Variants in IL1R2 observed in about 807,000 individuals in gnomAD.
IL1R2 encodes interleukin 1 receptor type 2, also known as interleukin-1 receptor type 2.
Under a neutral mutation model 39.5 loss-of-function variants are expected in IL1R2, and 46 were observed. The ratio of observed to expected loss-of-function variants is 1.16; its 90% CI spans 0.92 to 1.49. The LOEUF (loss-of-function observed/expected upper bound fraction) is 1.49. Ranked by LOEUF, IL1R2 falls within the 40% of genes most tolerant of loss-of-function variation. IL1R2 has a pLI of 0.00. For synonymous variants in IL1R2, 207 were observed against 189.6 expected (o/e 1.09, Z -0.75); for missense variants, 537 against 502.0 (o/e 1.07, Z -0.67).
At chr2:102,001,286 G>T (rs913843282) in intron 1 of IL1R2, among the ~76,000 whole-genome samples, 10 of 152,346 alleles carry the variant, frequency 6.6e-5, no homozygotes, top group South Asian at 4.1e-4. Flanking sequence ...TTTGCTGGCA[G>T]ACAGTATAAA....
At chr2:102,012,909 AC>A (rs1676729104) in intron 3 of IL1R2, among the ~76,000 whole-genome samples, 4 of 152,162 alleles carry the variant, frequency 2.6e-5, no homozygotes, top group Admixed American at 2.6e-4. Context: ...ATCTGGTGGG[AC>A]CTTGGGCTTA....
Position 102,007,074 on chromosome 2 carries a change from G to A in IL1R2, c.-61-1441G>A, listed in dbSNP as rs541882116. On this transcript the variant is annotated intron_variant, in intron 1 of 8. Coordinates refer to ENST00000332549, the MANE Select transcript of IL1R2 (RefSeq NM_004633.4). ...ACTTCCATCTTGCCCACAGACTTGT[G>A]AGCAAGAGTGAACGACCGTTGTTTC... 4.3e-4 allele frequency among the ~76,000 whole-genome samples: 65 copies of A among 152,304 alleles called. No individual in the cohort carries two copies. The South Asian group carries it at 0.012, about 29-fold the overall frequency.
chr2:101,993,594 C>G (rs531693271), intron 1 of IL1R2, among the ~76,000 whole-genome samples: 11 of 152,242 alleles, frequency 7.2e-5, no homozygotes, highest in African/African-American at 2.4e-4. Flanking sequence ...CTCTCTCTCT[C>G]TGTCTCTGTT....
chr2:102,024,239 G>A (rs961679443), intron 6 of IL1R2, among the ~76,000 whole-genome samples: 10 of 152,194 alleles, frequency 6.6e-5, no homozygotes, highest in African/African-American at 2.2e-4. Context: ...AGAGGAAGTC[G>A]GCTTGAATTT....
chr2:102,024,897 T>C (rs938464751), intron 7 of IL1R2: 3 of 491,234 alleles, frequency 6.1e-6, no homozygotes, highest in Non-Finnish European at 1.1e-5. Flanking sequence ...GGTATTGATG[T>C]TGCATTTTGT....
At chr2:102,010,850 T>A (rs913211705) in intron 3 of IL1R2, among the ~76,000 whole-genome samples, 36 of 152,274 alleles carry the variant, frequency 2.4e-4, no homozygotes, top group African/African-American at 6.5e-4. Flanking sequence ...GAGTTTTTCA[T>A]CCTCACAAAC....
intron 1 of IL1R2, 23 bp downstream of exon 1, chr2:101,992,034 G>A (rs1348647851): frequency 6.6e-6 from 1 of 151,898 alleles, no homozygotes; most frequent in Non-Finnish European, 1.5e-5. Flanking sequence ...AGAGCTGCAG[G>A]TAAGAGGCTT....
chr2:102,020,650 G>A (rs910758286), intron 5 of IL1R2, among the ~76,000 whole-genome samples: 4 of 152,210 alleles, frequency 2.6e-5, no homozygotes, highest in African/African-American at 9.7e-5. Context: ...ACGGACTGAG[G>A]TGTCCTGATT....
rs1321965368 is a variant in IL1R2, at chr2:102,022,022, C to T, written c.689-165C>T. 5 of 631,378 alleles carry T rather than the reference C, an allele frequency of 7.9e-6. No homozygotes were observed. The East Asian group carries it at 8.1e-5, about 10-fold the overall frequency. The allele number at this position is 631,378 out of a possible 1,614,324, so 39.1% of individuals were successfully genotyped here. On this transcript the variant is annotated intron_variant, in intron 5 of 8. Coordinates refer to ENST00000332549, the MANE Select transcript of IL1R2 (RefSeq NM_004633.4). ...GGGAAAGTCATTGGCCAAGGATGCT[C>T]GATTTTGTAGAGAGCCTGTTTCCTT...
intron 3 of IL1R2, 155 bp downstream of exon 3, chr2:102,009,981 C>G (rs1027956259): frequency 5.0e-6 from 4 of 804,244 alleles, no homozygotes; most frequent in East Asian, 5.2e-5. Flanking sequence ...ACACCCCCCC[C>G]AACCCTACAG....
At chr2:102,015,745 C>A in intron 3 of IL1R2, 126 bp from the exon 4 acceptor site, 2 of 729,842 alleles carry the variant, frequency 2.7e-6, no homozygotes, top group Non-Finnish European at 4.5e-6. Context: ...TGTCGGGAAA[C>A]CATCTGTACT....
rs1378361465 is a variant in IL1R2 at position 102,002,663 on chromosome 2, T to C, written c.-61-5852T>C. Reference sequence around the variant, plus strand: ...GTTGGTGTCTGTGTCTATGTCTATGTCTAAGTCTAGGTCTAGGTCTGTGTC... The same window carrying C: ...GTTGGTGTCTGTGTCTATGTCTATGCCTAAGTCTAGGTCTAGGTCTGTGTC... On this transcript the variant is annotated intron_variant, in intron 1 of 8. Transcript: ENST00000332549. Among the ~76,000 whole-genome samples, 11 of 152,182 alleles carry C rather than the reference T, an allele frequency of 7.2e-5. No individual in the cohort carries two copies. The East Asian group carries it at 2.1e-3, about 29-fold the overall frequency.
intron 3 of IL1R2, among the ~76,000 whole-genome samples, chr2:102,013,257 C>A (rs565957428): frequency 9.9e-5 from 15 of 152,082 alleles, no homozygotes; most frequent in African/African-American, 3.4e-4. Flanking sequence ...ACCTGGCTGA[C>A]CTTTAATACT....
At chr2:102,025,303 T>G (rs2150463469) in intron 7 of IL1R2, among the ~76,000 whole-genome samples, 1 of 152,356 alleles carries the variant, frequency 6.6e-6, no homozygotes. Flanking sequence ...TAGCCTGAGC[T>G]TTTGCTTGCC....
At position 102,017,778 on chromosome 2, in the gene IL1R2, G is replaced by A. The variant is rs148008957; in HGVS notation, c.513+1727G>A. 8.5e-3 allele frequency among the ~76,000 whole-genome samples: 1,289 copies of A among 152,232 alleles called. 20 individuals carry two copies. The highest frequency in any genetic ancestry group is 0.03 in the African/African-American group (1,233 of 41,532). On this transcript the variant is annotated intron_variant, in intron 4 of 8. Coordinates refer to ENST00000332549, the MANE Select transcript of IL1R2 (RefSeq NM_004633.4). ...TCTTGTTGTAGTACTGTCTGTAGCC[G>A]CTTTCACATGGCCTAGTTGTGATGG...
intron 6 of IL1R2, among the ~76,000 whole-genome samples, chr2:102,023,026 GT>G (rs1677498592): frequency 6.6e-6 from 1 of 152,338 alleles, no homozygotes; most frequent in South Asian, 2.1e-4. Flanking sequence ...CATGCTCAGA[GT>G]CAGGCTGGAG....
At chr2:102,019,562 A>G in intron 4 of IL1R2, 76 bp from the exon 5 acceptor site, 3 of 1,031,544 alleles carry the variant, frequency 2.9e-6, no homozygotes, top group Middle Eastern at 2.4e-4. Context: ...ACATTGGTTG[A>G]TAATGATGAT....
chr2:102,003,232 G>A (rs1426752407), intron 1 of IL1R2, among the ~76,000 whole-genome samples: 2 of 151,068 alleles, frequency 1.3e-5, no homozygotes, highest in African/African-American at 2.4e-5. Context: ...GTGTCTGGCT[G>A]TGGCTGTGTC....
Position 102,009,731 on chromosome 2 carries a change from A to T in IL1R2, c.237A>T (p.Pro79=), listed in dbSNP as rs368029729. ...WHKNDSARTV[P]GEEETRMWAQ... is the part of the protein sequence containing the mutation. Reference sequence around the variant, plus strand: ...AAAATGACTCTGCTAGGACGGTCCCAGGAGAAGAAGAGACACGGATGTGGG... The same window carrying T: ...AAAATGACTCTGCTAGGACGGTCCCTGGAGAAGAAGAGACACGGATGTGGG... The change falls in exon 3 of 9, where the codon CCA becomes CCT. Residue 79 remains proline, a synonymous_variant. Coordinates refer to ENST00000332549, the MANE Select transcript of IL1R2 (RefSeq NM_004633.4). The T allele has an allele frequency of 6.2e-7, 1 of 1,614,110 alleles. No individual in the cohort carries two copies. The highest frequency in any genetic ancestry group is 1.3e-5 in the African/African-American group (1 of 74,946).
Sources: allele counts gnomAD v4.1 joint callset (sites outside exome capture counted in the v4.1 genomes callset), GRCh38; gene constraint gnomAD v4.1.1; transcripts MANE v1.5; gene names NCBI Gene and HGNC (gene_info 2026-07-23, HGNC 2026-07-21).